The following LRRFIP1 variants were observed in gnomAD, a reference collection of about 807,000 sequenced individuals.
LRRFIP1 encodes the protein leucine-rich repeat flightless-interacting protein 1.
In LRRFIP1, 62 loss-of-function variants were observed where a neutral mutation model predicts 104.4. The ratio of observed to expected loss-of-function variants is 0.59; its 90% CI spans 0.48 to 0.73. The LOEUF is 0.73. Ranked by LOEUF, LRRFIP1 falls within the 30% of genes least tolerant of loss-of-function variation. The probability of loss-of-function intolerance (pLI) is 0.00; values close to 1 mark genes in which losing one functional copy is unlikely to be tolerated. For synonymous variants in LRRFIP1, 300 were observed against 299.0 expected (o/e 1.00, Z -0.03); for missense variants, 796 against 824.5 (o/e 0.97, Z 0.42).
At position 237,691,599 on chromosome 2, in the gene LRRFIP1, G is replaced by A. The variant is rs774760333; in HGVS notation, c.97-16945G>A. On this transcript the variant is annotated intron_variant, in intron 1 of 23. Transcript: ENST00000308482. The surrounding 1 kb of genome is among the most constrained non-coding windows in gnomAD (Gnocchi z 5.4). Reference sequence around the variant, plus strand: ...CAGGTGCAGCGGTGCTGGGGCCTAGGCTTCCGCGTCCAGGAAGCTCAGCGT... The same window carrying A: ...CAGGTGCAGCGGTGCTGGGGCCTAGACTTCCGCGTCCAGGAAGCTCAGCGT... 3.3e-5 allele frequency among the ~76,000 whole-genome samples: 5 copies of A among 152,224 alleles called. No homozygotes were observed. The highest frequency in any genetic ancestry group is 6.5e-5 in the Admixed American group (1 of 15,290).
intron 1 of LRRFIP1, among the ~76,000 whole-genome samples, chr2:237,681,881 G>A (rs954728014): frequency 1.5e-4 from 23 of 150,140 alleles, no homozygotes; most frequent in African/African-American, 2.2e-4. Flanking sequence ...GGGTTTCACC[G>A]TTTTAGCTGG....
chr2:237,642,695 G>C (rs558577288), intron 1 of LRRFIP1, among the ~76,000 whole-genome samples: 1 of 152,198 alleles, frequency 6.6e-6, no homozygotes, highest in South Asian at 2.1e-4. Context: ...TTTGGTTCCA[G>C]GTTCCAGGCT....
intron 20 of LRRFIP1, chr2:237,770,899 AATCAAAT>A (rs2060561294): frequency 6.6e-6 from 1 of 152,224 alleles, no homozygotes; most frequent in African/African-American, 2.4e-5. Flanking sequence ...TCATAAGCCT[AATCAAAT>A]GTATTTGCCT....
rs1348912404 is a variant in LRRFIP1, at chr2:237,649,840, A to T, written c.96+22100A>T. Reference sequence around the variant, plus strand: ...CATTCATGTATTCACTTTTCCTCCGATTCAACAAAAAAAAAAATTGATTAC... The same window carrying T: ...CATTCATGTATTCACTTTTCCTCCGTTTCAACAAAAAAAAAAATTGATTAC... On this transcript the variant is annotated intron_variant, in intron 1 of 23. Transcript: ENST00000308482. The surrounding 1 kb of genome is among the most constrained non-coding windows in gnomAD (Gnocchi z 4.1). Among the ~76,000 whole-genome samples, 5 of 150,168 alleles carry T rather than the reference A, an allele frequency of 3.3e-5. No homozygotes were observed. The highest frequency in any genetic ancestry group is 6.0e-5 in the Non-Finnish European group (4 of 66,904).
At chr2:237,634,838 A>G (rs1412406206) in intron 1 of LRRFIP1, among the ~76,000 whole-genome samples, 1 of 152,204 alleles carries the variant, frequency 6.6e-6, no homozygotes, top group East Asian at 1.9e-4. Context: ...AAAGTTTTCA[A>G]TAGAACCCAT....
At chr2:237,758,633 T>A (rs1250772197) in intron 17 of LRRFIP1, 96 bp from the exon 18 acceptor site, 9 of 778,668 alleles carry the variant, frequency 1.2e-5, no homozygotes, top group Non-Finnish European at 2.0e-5. Flanking sequence ...CACTAGTGTT[T>A]TAGATGGTAG....
chr2:237,711,899 G>T lies in LRRFIP1; in HGVS notation c.184-2360G>T, dbSNP rs1275669748. ...GAAGGGCCAGCCCAGTCAGCCCAGC[G>T]CAGCACGCGTTCCTAACGGCGGCAA... On this transcript the variant is annotated intron_variant, in intron 2 of 23. Transcript: ENST00000308482. This position sits in a 1 kb window ranked among gnomAD's most constrained non-coding sequence, Gnocchi z 4.4. Among the ~76,000 whole-genome samples, 3 of 152,216 alleles carry T rather than the reference G, an allele frequency of 2.0e-5. No individual in the cohort carries two copies. The highest frequency in any genetic ancestry group is 4.8e-5 in the African/African-American group (2 of 41,454).
intron 5 of LRRFIP1, 110 bp from the exon 6 acceptor site, chr2:237,720,662 A>T: frequency 1.1e-6 from 1 of 899,496 alleles, no homozygotes; most frequent in Non-Finnish European, 1.9e-6. Flanking sequence ...TGGCCCCCTC[A>T]CTGCTGTGGG....
intron 1 of LRRFIP1, among the ~76,000 whole-genome samples, chr2:237,639,319 C>G (rs1371014951): frequency 1.3e-5 from 2 of 152,176 alleles, no homozygotes; most frequent in African/African-American, 2.4e-5. Flanking sequence ...AATAAAAGCG[C>G]GAATGGCTGT....
intron 22 of LRRFIP1, 145 bp downstream of exon 22, chr2:237,773,090 CT>C: frequency 3.1e-6 from 2 of 641,790 alleles, no homozygotes; most frequent in Non-Finnish European, 5.5e-6. Flanking sequence ...GACAGCAAGT[CT>C]TTCCATCCGT....
intron 1 of LRRFIP1, among the ~76,000 whole-genome samples, chr2:237,654,671 C>T (rs149705149): frequency 0.013 from 2,037 of 152,248 alleles, 41 homozygotes; most frequent in African/African-American, 0.045. Flanking sequence ...CTGCCTCAGC[C>T]TCCCGAGTAG....
At chr2:237,723,479 GCTTTTA>G in intron 6 of LRRFIP1, 63 bp from the exon 7 acceptor site, 1 of 1,483,388 alleles carries the variant, frequency 6.7e-7, no homozygotes, top group Non-Finnish European at 9.4e-7. Flanking sequence ...GTTTTACTTA[GCTTTTA>G]AATTTACTTT....
In LRRFIP1 at chr2:237,675,152, G is replaced by T. The variant is rs192988742; in HGVS notation, c.97-33392G>T. The stretch of plus-strand genomic sequence containing the variant: ...CCTGAGCCCCCGCTCTGAGGTCCGG[G>T]TCCCCACTCCAAGCCTTCTGGGACC... On this transcript the variant is annotated intron_variant, in intron 1 of 23. Coordinates refer to ENST00000308482, the MANE Select transcript of LRRFIP1 (RefSeq NM_001137550.2). Among the ~76,000 whole-genome samples, 19 of 152,306 alleles carry T rather than the reference G, an allele frequency of 1.2e-4. No homozygotes were observed. In the East Asian group the frequency reaches 3.5e-3, roughly 28 times the overall value.
chr2:237,749,432 G>C lies in LRRFIP1; in HGVS notation c.795+108G>C, dbSNP rs2058299993. The stretch of plus-strand genomic sequence containing the variant: ...CATAAAGTTCTGGATCTTTCTTCTT[G>C]GTCCTCTCTCCCTCACCTCCCCTAA... On this transcript the variant is annotated intron_variant, in intron 13 of 23. Coordinates refer to ENST00000308482, the MANE Select transcript of LRRFIP1 (RefSeq NM_001137550.2). 3 of 1,345,558 alleles carry C rather than the reference G, an allele frequency of 2.2e-6. No individual in the cohort carries two copies. In the Admixed American group the frequency reaches 6.9e-5, roughly 31 times the overall value. The allele number at this position is 1,345,558 out of a possible 1,614,324, so 83.4% of individuals were successfully genotyped here. A position where few individuals can be genotyped will look rare whatever the true frequency, so the allele number is the denominator to read the frequency against.
At position 237,740,817 on chromosome 2, in the gene LRRFIP1, T is replaced by C. The variant is rs183235671; in HGVS notation, c.633+1508T>C. ...CACAGCCTCCACCCCACCCACTATT[T>C]TCGTGACCCCGAGGCCACGGCCCAG... On this transcript the variant is annotated intron_variant, in intron 11 of 23. Transcript: ENST00000308482. 3.0e-3 allele frequency among the ~76,000 whole-genome samples: 457 copies of C among 152,230 alleles called. 3 individuals are homozygous for C. Among genetic ancestry groups the C allele is most frequent in the Non-Finnish European group, 4.1e-3 (278 of 68,014 alleles).
chr2:237,763,768 A>G lies in LRRFIP1; in HGVS notation c.1459+3563A>G, dbSNP rs151034127. 41 of 1,614,238 alleles carry G rather than the reference A, an allele frequency of 2.5e-5. No homozygotes were observed. In the African/African-American group the frequency reaches 4.0e-4, roughly 16 times the overall value. ...TAGATTTTGAGGATGACACCGTTCA[A>G]TCATCAGGCCCGAGGGCTGGTGGTG... On this transcript the variant is annotated intron_variant, in intron 19 of 23. Coordinates refer to ENST00000308482, the MANE Select transcript of LRRFIP1 (RefSeq NM_001137550.2).
At chr2:237,671,294 C>T (rs2090301628) in intron 1 of LRRFIP1, among the ~76,000 whole-genome samples, 1 of 152,186 alleles carries the variant, frequency 6.6e-6, no homozygotes, top group Admixed American at 6.5e-5. Context: ...AGCCAGAGGC[C>T]TTCAAACCAG....
At chr2:237,670,260 T>C (rs2090125211) in intron 1 of LRRFIP1, among the ~76,000 whole-genome samples, 2 of 152,202 alleles carry the variant, frequency 1.3e-5, no homozygotes, top group Admixed American at 1.3e-4. Flanking sequence ...GACACCTCGG[T>C]GTGTCCCTTG....
intron 1 of LRRFIP1, among the ~76,000 whole-genome samples, chr2:237,686,518 A>G (rs753590443): frequency 6.6e-6 from 1 of 152,244 alleles, no homozygotes; most frequent in Non-Finnish European, 1.5e-5. Flanking sequence ...CCCATCATTT[A>G]TAAGGCACCT....
Sources: gnomAD v4.1 joint callset for allele counts (sites outside exome capture counted in the v4.1 genomes callset) on GRCh38, gnomAD v4.1.1 for gene constraint, Gnocchi (gnomAD v3.1) non-coding constraint, MANE v1.5 for transcripts, NCBI Gene and HGNC (gene_info 2026-07-23, HGNC 2026-07-21) for gene names.